The following OFD1 variants were observed in gnomAD, a reference collection of about 807,000 sequenced individuals.
OFD1 encodes OFD1 centriole and centriolar satellite protein, also known as centriole and centriolar satellite protein OFD1.
A neutral mutation model predicts 81.4 loss-of-function variants in OFD1; 12 were observed. That is an observed-to-expected ratio of 0.15 (90% CI 0.09 to 0.24). The LOEUF is 0.24. OFD1 is among the 10% of genes least tolerant of loss of function. The pLI is 1.00. For missense variants in OFD1, 685 were observed against 733.9 expected (o/e 0.93, Z 0.77); for synonymous variants, 256 against 263.7 (o/e 0.97, Z 0.28).
downstream of OFD1, chrX:13,771,387 T>TAAA (rs36124011): frequency 4.0e-5 from 4 of 100,826 alleles, no homozygotes; most frequent in Non-Finnish European, 8.2e-5. Context: ...TCTCTTAATT[T>TAAA]AAAAAAAAAA....
At chrX:13,722,772 G>T in the OFD1 span, among the ~76,000 whole-genome samples, 1 of 112,055 alleles carries the variant, frequency 8.9e-6, no homozygotes, top group South Asian at 3.7e-4. Flanking sequence ...TTAGAAATGT[G>T]GCTAGTGTAG....
In OFD1 at chrX:13,763,862, T is replaced by C. The variant is rs1569157962; in HGVS notation, c.2599+7T>C. The C allele has an allele frequency of 8.5e-7, 1 of 1,177,186 alleles. No homozygotes were observed. Among genetic ancestry groups the C allele is most frequent in the East Asian group, 3.0e-5 (1 of 33,741 alleles). ...CTCTCATATCAGCACCCAAGTAAGT[T>C]CTTTTTTTGAACTAACAGTCAGCAG... On this transcript the variant is annotated splice_region_variant and intron_variant, in intron 19 of 22. Transcript: ENST00000340096.
chrX:13,727,874 C>T, the OFD1 span, among the ~76,000 whole-genome samples: 3 of 110,936 alleles, frequency 2.7e-5, no homozygotes, highest in Non-Finnish European at 3.8e-5. Context: ...AAGAAGAAAA[C>T]AGAGAAGAAT....
chrX:13,744,617 T>C lies in OFD1; in HGVS notation c.517+98T>C, dbSNP rs2047224750. The C allele has an allele frequency of 8.6e-6, 5 of 581,754 alleles. No individual in the cohort carries two copies. The Admixed American group carries it at 1.3e-4, about 15-fold the overall frequency. The allele number at this position is 581,754 out of a possible 1,213,427, so 47.9% of individuals were successfully genotyped here. The stretch of plus-strand genomic sequence containing the variant: ...CATATTGTGTGATTGCTCCTTGAAC[T>C]GGAGGGATGCAGCCGGCAGGCAACA... On this transcript the variant is annotated intron_variant, in intron 6 of 22. Transcript: ENST00000340096.
At chrX:13,728,601 C>A in the OFD1 span, among the ~76,000 whole-genome samples, 72 of 111,905 alleles carry the variant, frequency 6.4e-4, no homozygotes, top group Non-Finnish European at 1.1e-3. Flanking sequence ...GAACATATCT[C>A]AAAATAATAA....
downstream of OFD1, chrX:13,772,959 C>G (rs1347243039): frequency 2.3e-5 from 28 of 1,206,591 alleles, no homozygotes; most frequent in Non-Finnish European, 3.1e-5. Flanking sequence ...CTTTGATATC[C>G]TGGTAAGCCT....
downstream of OFD1, chrX:13,772,072 C>G: frequency 8.9e-6 from 1 of 112,085 alleles, no homozygotes; most frequent in South Asian, 3.7e-4. Flanking sequence ...ATATTTGGGT[C>G]TCTAGTTATG....
the OFD1 span, among the ~76,000 whole-genome samples, chrX:13,718,237 G>A: frequency 2.6e-5 from 3 of 113,366 alleles, 1 homozygote; most frequent in East Asian, 8.3e-4. Context: ...TCATGCCTGG[G>A]CTGGAGGAGG....
chrX:13,754,255 A>T (rs1044198999), intron 11 of OFD1, among the ~76,000 whole-genome samples: 68 of 111,541 alleles, frequency 6.1e-4, no homozygotes, highest in African/African-American at 1.9e-3. Context: ...TGCTGGGATT[A>T]CAGGCGTGAG....
At position 13,769,224 on chromosome X, in the gene OFD1, A is replaced by G. The variant is rs893382179; in HGVS notation, c.*116A>G. The G allele has an allele frequency of 2.1e-5, 13 of 615,511 alleles. No homozygotes were observed. The highest frequency in any genetic ancestry group is 2.0e-4 in the African/African-American group (9 of 44,203). 50.7% of individuals were successfully genotyped at this position (615,511 alleles called of 1,213,427 possible). A position where few individuals can be genotyped will look rare whatever the true frequency, so the allele number is the denominator to read the frequency against. ...ACTCAATAAAAATGTGTGTAATCCAATGTGGGTTTTTTTTTCCATAATTAA... is the reference window on the plus strand; with the variant it reads ...ACTCAATAAAAATGTGTGTAATCCAGTGTGGGTTTTTTTTTCCATAATTAA... On this transcript the variant is annotated 3_prime_UTR_variant, in exon 23 of 23. Coordinates refer to ENST00000340096, the MANE Select transcript of OFD1 (RefSeq NM_003611.3).
At chrX:13,769,884 C>T (rs1023117888), downstream of OFD1, among the ~76,000 whole-genome samples, 4 of 112,017 alleles carry the variant, frequency 3.6e-5, no homozygotes, top group Non-Finnish European at 7.5e-5. Context: ...ACTTCCCAGC[C>T]TCTAAAACTG....
chrX:13,769,851 G>A (rs111787018), downstream of OFD1, among the ~76,000 whole-genome samples: 2 of 111,759 alleles, frequency 1.8e-5, no homozygotes, highest in African/African-American at 6.5e-5. Context: ...CATCGAACCT[G>A]CCAGTGCCTT....
At chrX:13,749,715 C>A (rs2047433771) in intron 9 of OFD1, among the ~76,000 whole-genome samples, 182 bp downstream of exon 9, 2 of 112,467 alleles carry the variant, frequency 1.8e-5, no homozygotes, top group Non-Finnish European at 3.8e-5. Context: ...AAATATTAAA[C>A]ATTAAGATGA....
chrX:13,768,023 T>C, intron 20 of OFD1, 31 bp from the exon 21 acceptor site: 2 of 1,149,811 alleles, frequency 1.7e-6, no homozygotes, highest in Middle Eastern at 2.4e-4. Flanking sequence ...AATGTATTTG[T>C]GTATTTTCTG....
rs182035357 is a variant in OFD1, at chrX:13,746,121, C to T, written c.518-198C>T. Among the ~76,000 whole-genome samples, 590 of 112,527 alleles carry T rather than the reference C, an allele frequency of 5.2e-3. 3 individuals carry two copies. Among genetic ancestry groups the T allele is most frequent in the Non-Finnish European group, 9.6e-3 (514 of 53,282 alleles). ...ACCCACCACCTAGATGTCACTATTA[C>T]ACTTGTGTTATACTTGCTTCATCAT... On this transcript the variant is annotated intron_variant, in intron 6 of 22. Transcript: ENST00000340096.
chrX:13,751,177 T>A, intron 9 of OFD1, 72 bp from the exon 10 acceptor site: 1 of 1,029,415 alleles, frequency 9.7e-7, no homozygotes, highest in African/African-American at 1.9e-5. Context: ...ACTAGACACA[T>A]GTGATTTTTT....
Position 13,758,427 on chromosome X carries a change from C to A in OFD1, c.1633C>A (p.Gln545Lys). 8.5e-7 allele frequency: 1 copy of A among 1,182,080 alleles called. No homozygotes were observed. The highest frequency in any genetic ancestry group is 1.2e-6 in the Non-Finnish European group (1 of 869,446). The change falls in exon 15 of 23, where the codon CAA (glutamine) becomes AAA (lysine). Residue 545 changes from glutamine (Q) to lysine (K), a missense_variant. This residue lies in a region of OFD1 where 414 missense variants were observed against 447.2 expected (regional missense o/e 0.93). Transcript: ENST00000340096. ...TACTCAGGTTGCCGATTTAAAATTG[C>A]AACTGAAGCAAACTCAGACAGGTTA... ...LTTQVADLKL[Q>K]LKQTQTALEN...
intron 3 of OFD1, among the ~76,000 whole-genome samples, chrX:13,737,374 C>T (rs1391076749): frequency 3.6e-5 from 3 of 83,700 alleles, no homozygotes; most frequent in Non-Finnish European, 6.4e-5. Flanking sequence ...TGGATATGTG[C>T]GTGTTTTTTT....
At chrX:13,758,570 A>C (rs1051592391) in intron 15 of OFD1, 122 bp downstream of exon 15, 2 of 469,573 alleles carry the variant, frequency 4.3e-6, no homozygotes, top group African/African-American at 2.5e-5. Flanking sequence ...CCATAGAAAT[A>C]TGTGTCATCT....
Sources: allele counts gnomAD v4.1 joint callset (sites outside exome capture counted in the v4.1 genomes callset), GRCh38; gene constraint gnomAD v4.1.1; regional missense constraint gnomAD v4.1.1; transcripts MANE v1.5; gene names NCBI Gene and HGNC (gene_info 2026-07-23, HGNC 2026-07-21).